Variants in FBXL7 observed in about 807,000 individuals in gnomAD.
FBXL7 encodes F-box and leucine rich repeat protein 7.
A neutral mutation model predicts 38.3 loss-of-function variants in FBXL7; 12 were observed. That is an observed-to-expected ratio of 0.31 (90% CI 0.20 to 0.51). The LOEUF is 0.51. Ranked by LOEUF, FBXL7 falls within the 20% of genes least tolerant of loss-of-function variation. The probability of loss-of-function intolerance (pLI) is 0.98; values close to 1 mark genes in which losing one functional copy is unlikely to be tolerated. For missense variants in FBXL7, 567 were observed against 676.4 expected, an observed-to-expected ratio of 0.84 and a Z score of 1.79; for synonymous variants, 297 against 300.9, an observed-to-expected ratio of 0.99 and a Z score of 0.13.
At chr5:15,527,537 TTTTAC>T (rs1737286498) in intron 1 of FBXL7, among the ~76,000 whole-genome samples, 1 of 152,212 alleles carries the variant, frequency 6.6e-6, no homozygotes, top group Non-Finnish European at 1.5e-5. Flanking sequence ...GAATTTTTCC[TTTTAC>T]TTTAAAGAGT....
At chr5:15,509,087 T>C (rs1281593168) in intron 1 of FBXL7, among the ~76,000 whole-genome samples, 6 of 152,156 alleles carry the variant, frequency 3.9e-5, no homozygotes, top group Non-Finnish European at 8.8e-5. Context: ...TTTTAATTGA[T>C]GTTATTGGTC....
chr5:15,796,568 T>A (rs1490361884), intron 2 of FBXL7, among the ~76,000 whole-genome samples: 8 of 152,256 alleles, frequency 5.3e-5, no homozygotes, highest in Non-Finnish European at 8.8e-5. Context: ...AAAATGAAAG[T>A]AAAATCCTGG....
At chr5:15,898,787 A>T (rs1741164674) in intron 2 of FBXL7, among the ~76,000 whole-genome samples, 1 of 152,170 alleles carries the variant, frequency 6.6e-6, no homozygotes, top group Non-Finnish European at 1.5e-5. Flanking sequence ...CCCATTCAAT[A>T]CCACATGCGT....
rs181270723 is a variant in FBXL7 at position 15,920,771 on chromosome 5, T to C, written c.128-7119T>C. Among the ~76,000 whole-genome samples the C allele has an allele frequency of 4.9e-4, 75 of 152,322 alleles. 1 individual carries two copies. Among genetic ancestry groups the C allele is most frequent in the Admixed American group, 4.2e-3 (65 of 15,300 alleles). On this transcript the variant is annotated intron_variant, in intron 2 of 3. Transcript: ENST00000504595. Reference sequence around the variant, plus strand: ...CCTGACCTCTGGTGATCCGCCTGCCTCAGCCTCCCAAAGTGCTGGAATTAC... The same window carrying C: ...CCTGACCTCTGGTGATCCGCCTGCCCCAGCCTCCCAAAGTGCTGGAATTAC...
chr5:15,789,768 T>TAGG (rs1737226627), intron 2 of FBXL7, among the ~76,000 whole-genome samples: 1 of 152,188 alleles, frequency 6.6e-6, no homozygotes, highest in African/African-American at 2.4e-5. Context: ...TGTGGCCAGC[T>TAGG]CTGGGGCAGA....
At chr5:15,788,177 G>T (rs887585624) in intron 2 of FBXL7, among the ~76,000 whole-genome samples, 1 of 152,092 alleles carries the variant, frequency 6.6e-6, no homozygotes, top group Non-Finnish European at 1.5e-5. Flanking sequence ...CAACGCAATG[G>T]AGTATGTCCT....
At chr5:15,660,772 T>G (rs1185122914) in intron 2 of FBXL7, among the ~76,000 whole-genome samples, 1 of 152,204 alleles carries the variant, frequency 6.6e-6, no homozygotes, top group African/African-American at 2.4e-5. Flanking sequence ...TACCTACATA[T>G]TAGCATGAGG....
intron 1 of FBXL7, among the ~76,000 whole-genome samples, chr5:15,552,346 T>G (rs1470736758): frequency 6.6e-6 from 1 of 152,212 alleles, no homozygotes; most frequent in East Asian, 1.9e-4. Flanking sequence ...CACTGACCAC[T>G]GGACACCCTT....
At chr5:15,904,807 A>G (rs1741316207) in intron 2 of FBXL7, among the ~76,000 whole-genome samples, 1 of 152,156 alleles carries the variant, frequency 6.6e-6, no homozygotes, top group South Asian at 2.1e-4. Flanking sequence ...CTGGCCACCC[A>G]TGTCACAATG....
intron 1 of FBXL7, among the ~76,000 whole-genome samples, chr5:15,556,945 T>G (rs1306159355): frequency 6.6e-6 from 1 of 152,152 alleles, no homozygotes; most frequent in South Asian, 2.1e-4. Context: ...GAAGCCAGAT[T>G]GTGGTTTTTT....
At chr5:15,818,703 C>CGTGTGT (rs3222099) in intron 2 of FBXL7, among the ~76,000 whole-genome samples, 13,463 of 116,456 alleles carry the variant, frequency 0.12, 872 homozygotes, top group East Asian at 0.21. Context: ...CCCATTATTT[C>CGTGTGT]GTGTGTGTGT....
chr5:15,580,100 T>C (rs1739087843), intron 1 of FBXL7, among the ~76,000 whole-genome samples: 1 of 151,868 alleles, frequency 6.6e-6, no homozygotes, highest in Non-Finnish European at 1.5e-5. Flanking sequence ...GTAATTAGCG[T>C]TAAAAAAGTT....
At chr5:15,778,125 A>T (rs1736904250) in intron 2 of FBXL7, among the ~76,000 whole-genome samples, 1 of 152,136 alleles carries the variant, frequency 6.6e-6, no homozygotes, top group African/African-American at 2.4e-5. Flanking sequence ...ACATCATGGT[A>T]TAAAGTAAAT....
intron 2 of FBXL7, among the ~76,000 whole-genome samples, chr5:15,654,433 G>A (rs66743537): frequency 0.41 from 53,429 of 129,148 alleles, 10,099 homozygotes; most frequent in East Asian, 0.55. Context: ...AAAAAAAAAA[G>A]GCAAAACTGT....
At chr5:15,890,958 AG>A (rs1303450773) in intron 2 of FBXL7, among the ~76,000 whole-genome samples, 4 of 104,948 alleles carry the variant, frequency 3.8e-5, no homozygotes, top group African/African-American at 8.4e-5. Flanking sequence ...CTAGATAATT[AG>A]AAAAAAAAAC....
intron 2 of FBXL7, among the ~76,000 whole-genome samples, chr5:15,904,349 G>T (rs996233477): frequency 6.6e-6 from 1 of 152,102 alleles, no homozygotes; most frequent in African/African-American, 2.4e-5. Flanking sequence ...AATACACTTT[G>T]TTCCCTCTTT....
At chr5:15,728,437 C>T (rs1735484163) in intron 2 of FBXL7, among the ~76,000 whole-genome samples, 1 of 152,128 alleles carries the variant, frequency 6.6e-6, no homozygotes, top group South Asian at 2.1e-4. Flanking sequence ...TCCAGAGTTT[C>T]ACCCTAACTT....
At chr5:15,549,092 G>T (rs1272746295) in intron 1 of FBXL7, among the ~76,000 whole-genome samples, 1 of 152,194 alleles carries the variant, frequency 6.6e-6, no homozygotes, top group Non-Finnish European at 1.5e-5. Context: ...GAACCAAAAA[G>T]GGGAGGCAGG....
At chr5:15,798,890 C>T (rs1737485432) in intron 2 of FBXL7, among the ~76,000 whole-genome samples, 2 of 151,998 alleles carry the variant, frequency 1.3e-5, no homozygotes, top group Non-Finnish European at 2.9e-5. Context: ...GATGAAATTC[C>T]CTGTTTGCAA....
Sources: allele counts gnomAD v4.1 joint callset (sites outside exome capture counted in the v4.1 genomes callset), GRCh38; gene constraint gnomAD v4.1.1; transcripts MANE v1.5; gene names NCBI Gene and HGNC (gene_info 2026-07-23, HGNC 2026-07-21).